Variants in TEAD1 observed in about 807,000 individuals in gnomAD.
TEAD1 encodes the protein transcriptional enhancer factor TEF-1.
In TEAD1, 9 loss-of-function variants were observed where a neutral mutation model predicts 54.9. The ratio of observed to expected loss-of-function variants is 0.16; its 90% CI spans 0.10 to 0.29. The LOEUF (loss-of-function observed/expected upper bound fraction) is 0.29, where lower values mean the gene tolerates loss of function less well. Among genes scored for constraint, TEAD1 ranks in the 10% least tolerant of loss-of-function variants. TEAD1 has a pLI of 1.00. For missense variants in TEAD1, 387 were observed against 535.9 expected (o/e 0.72, Z 2.74); for synonymous variants, 200 against 187.8 (o/e 1.07, Z -0.53).
At chr11:12,887,100 T>TTTTTTTTTTTG (rs1948106263) in intron 9 of TEAD1, among the ~76,000 whole-genome samples, 1 of 149,358 alleles carries the variant, frequency 6.7e-6, no homozygotes, top group Non-Finnish European at 1.5e-5. Flanking sequence ...TTTGTTTGTT[T>TTTTTTTTTTTG]TTTTTTTTTT....
At chr11:12,736,580 A>G (rs1944537212) in intron 2 of TEAD1, among the ~76,000 whole-genome samples, 3 of 152,202 alleles carry the variant, frequency 2.0e-5, no homozygotes, top group Admixed American at 2.0e-4. Flanking sequence ...ATTGTATTCT[A>G]AGTTTCAGTT....
At chr11:12,856,372 A>C (rs983473895) in intron 3 of TEAD1, among the ~76,000 whole-genome samples, 6 of 152,166 alleles carry the variant, frequency 3.9e-5, no homozygotes, top group Admixed American at 1.3e-4. Flanking sequence ...ACAAGTTACC[A>C]GCAAAGAAGC....
At chr11:12,848,315 G>A (rs1368095600) in intron 3 of TEAD1, among the ~76,000 whole-genome samples, 1 of 152,160 alleles carries the variant, frequency 6.6e-6, no homozygotes, top group Non-Finnish European at 1.5e-5. Flanking sequence ...AGATTATGTA[G>A]GCCTTGGATG....
chr11:12,867,963 C>T (rs756687637), intron 5 of TEAD1, among the ~76,000 whole-genome samples: 1 of 152,214 alleles, frequency 6.6e-6, no homozygotes, highest in Non-Finnish European at 1.5e-5. Flanking sequence ...CTTGCAGACA[C>T]TGCCCTAGCC....
intron 3 of TEAD1, among the ~76,000 whole-genome samples, chr11:12,800,188 A>T (rs913361694): frequency 2.0e-5 from 3 of 152,172 alleles, no homozygotes; most frequent in African/African-American, 7.2e-5. Context: ...ATGTCCGTGG[A>T]TGATGACTGC....
chr11:12,839,663 G>A (rs375040003), intron 3 of TEAD1, among the ~76,000 whole-genome samples: 5 of 152,244 alleles, frequency 3.3e-5, no homozygotes, highest in African/African-American at 1.2e-4. Context: ...AATGTGGCGG[G>A]GGTTATCAGA....
intron 3 of TEAD1, among the ~76,000 whole-genome samples, chr11:12,844,115 T>C (rs1947093092): frequency 6.6e-6 from 1 of 152,196 alleles, no homozygotes; most frequent in South Asian, 2.1e-4. Flanking sequence ...CTTTTCTTTA[T>C]GCCAGTTTCT....
chr11:12,688,677 G>C (rs1943386487), intron 2 of TEAD1, among the ~76,000 whole-genome samples: 1 of 152,190 alleles, frequency 6.6e-6, no homozygotes, highest in African/African-American at 2.4e-5. Flanking sequence ...TTGGCTGTGT[G>C]ATTTTGAGTA....
chr11:12,794,553 A>G (rs758208290), intron 3 of TEAD1, among the ~76,000 whole-genome samples: 1 of 152,200 alleles, frequency 6.6e-6, no homozygotes, highest in Non-Finnish European at 1.5e-5. Flanking sequence ...GGTCACAATG[A>G]TGGTTCTGAT....
chr11:12,913,325 TGAAAA>T (rs1948651847), intron 10 of TEAD1, among the ~76,000 whole-genome samples: 1 of 152,300 alleles, frequency 6.6e-6, no homozygotes, highest in African/African-American at 2.4e-5. Context: ...TTTGAGCAGT[TGAAAA>T]GAATATAGAA....
chr11:12,941,858 A>G lies in TEAD1; in HGVS notation c.*4636A>G, dbSNP rs1949165556. 1 of 152,622 alleles carries G rather than the reference A, an allele frequency of 6.6e-6. No individual in the cohort carries two copies. The highest frequency in any genetic ancestry group is 1.5e-5 in the Non-Finnish European group (1 of 68,040). 9.5% of individuals were successfully genotyped at this position (152,622 alleles called of 1,614,324 possible). A position where few individuals can be genotyped will look rare whatever the true frequency, so the allele number is the denominator to read the frequency against. ...AGGAAGTTTTCAATTCAGAGCTGCC[A>G]AAGTGTTCCCGTAAGCAGTGCCTTA... On this transcript the variant is annotated 3_prime_UTR_variant, in exon 13 of 13. Coordinates refer to ENST00000527636, the MANE Select transcript of TEAD1 (RefSeq NM_021961.6).
At chr11:12,900,899 C>A (rs1177594579) in intron 9 of TEAD1, among the ~76,000 whole-genome samples, 1 of 152,146 alleles carries the variant, frequency 6.6e-6, no homozygotes, top group Non-Finnish European at 1.5e-5. Flanking sequence ...GCCTCTGCAT[C>A]CCCAGGTTTC....
chr11:12,937,017 T>C lies in TEAD1; in HGVS notation c.1168-92T>C, dbSNP rs1159220004. The C allele has an allele frequency of 3.5e-6, 3 of 864,686 alleles. No individual in the cohort carries two copies. The East Asian group carries it at 8.1e-5, about 23-fold the overall frequency. The allele number at this position is 864,686 out of a possible 1,614,324, so 53.6% of individuals were successfully genotyped here. ...AGCAAATCTCTCTTGGACTTAAGAC[T>C]TGTTCTTCTCCAATTAAGTCATAGT... On this transcript the variant is annotated intron_variant, in intron 12 of 12. Transcript: ENST00000527636.
At chr11:12,839,345 A>T (rs930308909) in intron 3 of TEAD1, among the ~76,000 whole-genome samples, 3 of 152,172 alleles carry the variant, frequency 2.0e-5, no homozygotes, top group African/African-American at 7.2e-5. Flanking sequence ...TGGGAAGTGG[A>T]GGCTGCAGTG....
In TEAD1 at chr11:12,916,319, A is replaced by G. The variant is rs1948711257; in HGVS notation, c.874-8593A>G. On this transcript the variant is annotated intron_variant, in intron 10 of 12. Coordinates refer to ENST00000527636, the MANE Select transcript of TEAD1 (RefSeq NM_021961.6). ...AAAGCCAGTGTTGCATCTGTGCCACACACCCGACAAACGTGGGTTGGGGCC... is the reference window on the plus strand; with the variant it reads ...AAAGCCAGTGTTGCATCTGTGCCACGCACCCGACAAACGTGGGTTGGGGCC... Among the ~76,000 whole-genome samples the G allele has an allele frequency of 3.9e-5, 6 of 152,264 alleles. No individual in the cohort carries two copies. In the South Asian group the frequency reaches 1.2e-3, roughly 32 times the overall value.
intron 6 of TEAD1, 124 bp downstream of exon 6, chr11:12,879,966 C>A: frequency 7.1e-7 from 1 of 1,407,858 alleles, no homozygotes. Context: ...CAAAGGCTAC[C>A]TTGTCAACTG....
chr11:12,789,801 G>C (rs1239729842), intron 3 of TEAD1, among the ~76,000 whole-genome samples: 1 of 152,218 alleles, frequency 6.6e-6, no homozygotes, highest in Non-Finnish European at 1.5e-5. Flanking sequence ...TGGGCCTGTG[G>C]AGGCATTGCT....
intron 3 of TEAD1, among the ~76,000 whole-genome samples, chr11:12,837,986 T>G (rs530454318): frequency 1.3e-5 from 2 of 152,054 alleles, no homozygotes; most frequent in South Asian, 4.2e-4. Flanking sequence ...TAGTAGAGAC[T>G]GGTTTTCACC....
intron 2 of TEAD1, among the ~76,000 whole-genome samples, chr11:12,703,781 C>T (rs1943754862): frequency 6.6e-6 from 1 of 152,160 alleles, no homozygotes; most frequent in Non-Finnish European, 1.5e-5. Flanking sequence ...GAGTGGTGCC[C>T]AGCATGAATT....
Sources: allele counts gnomAD v4.1 joint callset (sites outside exome capture counted in the v4.1 genomes callset), GRCh38; gene constraint gnomAD v4.1.1; transcripts MANE v1.5; gene names NCBI Gene and HGNC (gene_info 2026-07-23, HGNC 2026-07-21).